Variants in GLRA3 observed in about 807,000 individuals in gnomAD.
GLRA3 encodes glycine receptor alpha 3, also known as glycine receptor subunit alpha-3.
GLRA3 carries 44 observed loss-of-function variants against 60.4 expected under a neutral mutation model. That is an observed-to-expected ratio of 0.73 (90% CI 0.57 to 0.94). The LOEUF (loss-of-function observed/expected upper bound fraction) is 0.94, where lower values mean the gene tolerates loss of function less well. GLRA3 is among the 40% of genes least tolerant of loss of function. The pLI, the probability that GLRA3 is intolerant of heterozygous loss-of-function variation, is 0.00. For synonymous variants in GLRA3, 223 were observed against 192.9 expected, an observed-to-expected ratio of 1.16 and a Z score of -1.29; for missense variants, 508 against 564.6, an observed-to-expected ratio of 0.90 and a Z score of 1.02.
intron 5 of GLRA3, among the ~76,000 whole-genome samples, chr4:174,688,427 G>A (rs911123075): frequency 1.4e-4 from 20 of 140,938 alleles, no homozygotes; most frequent in South Asian, 4.4e-4. Context: ...TTCCTACTTT[G>A]TCCCCTAGAA....
chr4:174,758,767 G>A (rs1007342811), intron 3 of GLRA3, among the ~76,000 whole-genome samples: 1 of 152,074 alleles, frequency 6.6e-6, no homozygotes, highest in Admixed American at 6.5e-5. Flanking sequence ...CAAATTTCTT[G>A]TAGACCTAAA....
intron 3 of GLRA3, among the ~76,000 whole-genome samples, chr4:174,743,058 C>CTAT (rs1737088817): frequency 6.6e-6 from 1 of 152,138 alleles, no homozygotes; most frequent in Admixed American, 6.5e-5. Context: ...CAGAATTAAG[C>CTAT]TATTTCCTCT....
At chr4:174,807,616 A>C (rs1311864510) in intron 1 of GLRA3, among the ~76,000 whole-genome samples, 1 of 152,148 alleles carries the variant, frequency 6.6e-6, no homozygotes, top group Admixed American at 6.6e-5. Flanking sequence ...GCCAAAAATT[A>C]TGAAGAGAAG....
chr4:174,791,420 A>G (rs1397215977), intron 1 of GLRA3, among the ~76,000 whole-genome samples: 1 of 152,182 alleles, frequency 6.6e-6, no homozygotes, highest in Non-Finnish European at 1.5e-5. Flanking sequence ...GAACTGTTAG[A>G]GAATAGATTT....
chr4:174,740,043 A>G (rs903157636), intron 3 of GLRA3, among the ~76,000 whole-genome samples: 9 of 152,146 alleles, frequency 5.9e-5, no homozygotes, highest in Admixed American at 5.9e-4. Flanking sequence ...CTGTTCTTAA[A>G]TTCACAGGTC....
chr4:174,765,317 T>C (rs1738097675), intron 3 of GLRA3, among the ~76,000 whole-genome samples: 1 of 152,020 alleles, frequency 6.6e-6, no homozygotes, highest in Non-Finnish European at 1.5e-5. Context: ...CTTTAAGTCT[T>C]AATGGGAAGG....
chr4:174,739,471 G>A (rs919176692), intron 3 of GLRA3, among the ~76,000 whole-genome samples: 5 of 152,168 alleles, frequency 3.3e-5, no homozygotes, highest in Middle Eastern at 3.4e-3. Context: ...ATGTGACTAC[G>A]ACCCCTTGCC....
chr4:174,662,987 G>A (rs930965785), intron 7 of GLRA3, among the ~76,000 whole-genome samples: 2 of 152,052 alleles, frequency 1.3e-5, no homozygotes, highest in African/African-American at 4.8e-5. Context: ...AACTACAGGC[G>A]TCGGGGGAGA....
chr4:174,651,458 A>G (rs758647391), intron 9 of GLRA3, among the ~76,000 whole-genome samples: 70 of 152,176 alleles, frequency 4.6e-4, no homozygotes, highest in Non-Finnish European at 9.1e-4. Context: ...AATTGCTGCT[A>G]TTATATTATT....
chr4:174,828,726 T>C lies in GLRA3; in HGVS notation c.71+15A>G, dbSNP rs753759490. The C allele has an allele frequency of 1.3e-5, 21 of 1,561,078 alleles. No individual in the cohort carries two copies. The South Asian group carries it at 1.9e-4, about 14-fold the overall frequency. Reference sequence around the variant, plus strand: ...CTTAATGAGTTCTCCGACTGTTAAATCCAAGCGAACTCACCTGAGTAACAG... The same window carrying C: ...CTTAATGAGTTCTCCGACTGTTAAACCCAAGCGAACTCACCTGAGTAACAG... On this transcript the variant is annotated intron_variant, in intron 1 of 9. Transcript: ENST00000274093.
intron 3 of GLRA3, among the ~76,000 whole-genome samples, chr4:174,760,003 T>C (rs1478153286): frequency 1.3e-5 from 2 of 152,102 alleles, no homozygotes; most frequent in Non-Finnish European, 2.9e-5. Flanking sequence ...AGGTTAAATT[T>C]TGTGAATTAA....
At chr4:174,751,061 GTCTA>G (rs901405538) in intron 3 of GLRA3, among the ~76,000 whole-genome samples, 209 of 139,574 alleles carry the variant, frequency 1.5e-3, no homozygotes, top group African/African-American at 4.8e-3. Flanking sequence ...CTGTCTGTCT[GTCTA>G]TCTATCTATC....
intron 1 of GLRA3, among the ~76,000 whole-genome samples, chr4:174,799,659 A>G (rs1471083114): frequency 1.3e-5 from 2 of 152,236 alleles, no homozygotes; most frequent in Non-Finnish European, 2.9e-5. Flanking sequence ...TAGAAAGAAG[A>G]TAAGTATTAC....
At chr4:174,773,810 A>T (rs1333011505) in intron 2 of GLRA3, among the ~76,000 whole-genome samples, 1 of 152,032 alleles carries the variant, frequency 6.6e-6, no homozygotes, top group Non-Finnish European at 1.5e-5. Flanking sequence ...CCTTCCCCCA[A>T]ATGCTGCACT....
intron 5 of GLRA3, among the ~76,000 whole-genome samples, chr4:174,683,220 C>T (rs1734422702): frequency 6.6e-6 from 1 of 152,082 alleles, no homozygotes; most frequent in Admixed American, 6.5e-5. Flanking sequence ...ACATTCTTTC[C>T]TTGGGATGGG....
chr4:174,702,390 T>C (rs1311337679), intron 5 of GLRA3, among the ~76,000 whole-genome samples: 2 of 152,218 alleles, frequency 1.3e-5, no homozygotes, highest in Admixed American at 1.3e-4. Flanking sequence ...ATAACTTTTA[T>C]ATACACTGGG....
intron 4 of GLRA3, among the ~76,000 whole-genome samples, chr4:174,719,001 C>T (rs1736036254): frequency 8.6e-6 from 1 of 116,218 alleles, no homozygotes; most frequent in Non-Finnish European, 1.6e-5. Context: ...GTCTCGCTGT[C>T]GCCCAGGCTG....
intron 9 of GLRA3, among the ~76,000 whole-genome samples, chr4:174,654,988 T>C (rs531748222): frequency 5.3e-5 from 8 of 152,278 alleles, no homozygotes; most frequent in Admixed American, 4.6e-4. Flanking sequence ...CGGTATACAA[T>C]AACTAAGCCA....
intron 4 of GLRA3, among the ~76,000 whole-genome samples, chr4:174,727,242 A>AG (rs1736364599): frequency 1.3e-5 from 2 of 152,244 alleles, no homozygotes; most frequent in South Asian, 4.1e-4. Flanking sequence ...GCAGAAAAAA[A>AG]CATTTTCAAA....
Sources: allele counts gnomAD v4.1 joint callset (sites outside exome capture counted in the v4.1 genomes callset), GRCh38; gene constraint gnomAD v4.1.1; transcripts MANE v1.5; gene names NCBI Gene and HGNC (gene_info 2026-07-23, HGNC 2026-07-21).